The following TBL1XR1 variants were observed in gnomAD, a reference collection of about 807,000 sequenced individuals.
TBL1XR1 encodes the protein TBL1X/Y related 1.
A neutral mutation model predicts 66.9 loss-of-function variants in TBL1XR1; 5 were observed. That is an observed-to-expected ratio of 0.07 (90% CI 0.04 to 0.16). The LOEUF (loss-of-function observed/expected upper bound fraction) is 0.16, where lower values mean the gene tolerates loss of function less well. Among genes scored for constraint, TBL1XR1 ranks in the 10% least tolerant of loss-of-function variants. The pLI, the probability that TBL1XR1 is intolerant of heterozygous loss-of-function variation, is 1.00. For synonymous variants in TBL1XR1, 210 were observed against 206.0 expected (o/e 1.02, Z -0.17); for missense variants, 238 against 623.2 (o/e 0.38, Z 6.58).
intron 1 of TBL1XR1, among the ~76,000 whole-genome samples, chr3:177,182,901 T>C (rs1362205088): frequency 6.6e-6 from 1 of 152,208 alleles, no homozygotes; most frequent in Non-Finnish European, 1.5e-5. Context: ...ATAATGGTCA[T>C]TCTTCTAAGT....
At chr3:177,071,426 C>A (rs1286117068) in intron 2 of TBL1XR1, among the ~76,000 whole-genome samples, 4 of 152,000 alleles carry the variant, frequency 2.6e-5, no homozygotes, top group African/African-American at 9.7e-5. Context: ...TCCTTGGTTC[C>A]TCATGAGGGA....
intron 2 of TBL1XR1, among the ~76,000 whole-genome samples, chr3:177,083,328 C>T (rs745479881): frequency 6.6e-6 from 1 of 152,166 alleles, no homozygotes; most frequent in Non-Finnish European, 1.5e-5. Flanking sequence ...TTAGAAATGA[C>T]CTTAGTCTTT....
rs201066274 is a variant in TBL1XR1, at chr3:177,137,131, G to C, written c.-121-38590C>G. Among the ~76,000 whole-genome samples the C allele has an allele frequency of 4.5e-5, 6 of 132,202 alleles. No individual in the cohort carries two copies. In the East Asian group the frequency reaches 1.4e-3, roughly 31 times the overall value. 86.7% of individuals were successfully genotyped at this position (132,202 alleles called of 152,430 possible). On this transcript the variant is annotated intron_variant, in intron 1 of 15. Coordinates refer to ENST00000457928, the MANE Select transcript of TBL1XR1 (RefSeq NM_024665.7). ...CATACATTAAAATTAAAATGTTATG[G>C]GGGGGGAAAGATGACTGATTAATTC... is the stretch of plus-strand genomic sequence containing the variant.
intron 1 of TBL1XR1, among the ~76,000 whole-genome samples, chr3:177,147,835 G>C (rs952890928): frequency 1.3e-5 from 2 of 152,174 alleles, no homozygotes; most frequent in African/African-American, 2.4e-5. Context: ...AGGTCCTGTA[G>C]GGAGAAGCCA....
At chr3:177,190,133 C>CAAAAAAAAAAA (rs548783302) in intron 1 of TBL1XR1, among the ~76,000 whole-genome samples, 16 of 69,410 alleles carry the variant, frequency 2.3e-4, no homozygotes, top group African/African-American at 9.5e-4. Context: ...AACTCCATCT[C>CAAAAAAAAAAA]AAAAAAAAAA....
At chr3:177,135,436 T>C (rs1728884358) in intron 1 of TBL1XR1, among the ~76,000 whole-genome samples, 1 of 141,900 alleles carries the variant, frequency 7.0e-6, no homozygotes, top group Admixed American at 7.2e-5. Flanking sequence ...CAGGCTGGAG[T>C]ACAGTCGTGC....
intron 10 of TBL1XR1, among the ~76,000 whole-genome samples, chr3:177,043,212 C>T (rs1560108955): frequency 6.6e-6 from 1 of 152,092 alleles, no homozygotes; most frequent in African/African-American, 2.4e-5. Context: ...AGCCTTACTT[C>T]CCTCTTCCCA....
intron 3 of TBL1XR1, among the ~76,000 whole-genome samples, chr3:177,063,968 T>C (rs1472066709): frequency 6.6e-6 from 1 of 152,170 alleles, no homozygotes; most frequent in East Asian, 1.9e-4. Context: ...ATGTTTGTAT[T>C]CCTTGCATAG....
At chr3:177,084,584 G>A (rs900266635) in intron 2 of TBL1XR1, among the ~76,000 whole-genome samples, 1 of 152,248 alleles carries the variant, frequency 6.6e-6, no homozygotes, top group Non-Finnish European at 1.5e-5. Context: ...ACTGTTACCA[G>A]TTTGGGGGTC....
chr3:177,032,853 C>A, intron 14 of TBL1XR1, 118 bp downstream of exon 14: 1 of 827,938 alleles, frequency 1.2e-6, no homozygotes, highest in Non-Finnish European at 1.7e-6. Flanking sequence ...TATTTTAAAA[C>A]CAATAATTCA....
At chr3:177,129,691 A>G (rs947089183) in intron 1 of TBL1XR1, among the ~76,000 whole-genome samples, 20 of 152,204 alleles carry the variant, frequency 1.3e-4, no homozygotes, top group Non-Finnish European at 2.5e-4. Flanking sequence ...CATAATGAAA[A>G]GCATATCTTA....
intron 1 of TBL1XR1, among the ~76,000 whole-genome samples, chr3:177,129,720 C>T (rs1019412926): frequency 2.0e-5 from 3 of 152,062 alleles, no homozygotes; most frequent in Admixed American, 1.3e-4. Context: ...GTACAAGATA[C>T]CGTTCTTTAT....
chr3:177,173,410 G>A (rs12106892), intron 1 of TBL1XR1, among the ~76,000 whole-genome samples: 5,396 of 152,158 alleles, frequency 0.035, 336 homozygotes, highest in African/African-American at 0.12. Flanking sequence ...CCTTAACCAA[G>A]AGACAAGATT....
rs1461570738 is a variant in TBL1XR1, at chr3:177,026,360, TTACTA to T, written c.1518+8_1518+12del. On this transcript the variant is annotated splice_region_variant and intron_variant, in intron 15 of 15. Coordinates refer to ENST00000457928, the MANE Select transcript of TBL1XR1 (RefSeq NM_024665.7). Reference sequence around the variant, plus strand: ...CACCCACACCCTCTTTGGAAACACTTTACTATACTTACTGAACCATCTGATGCACT... The same window carrying T: ...CACCCACACCCTCTTTGGAAACACTTTACTTACTGAACCATCTGATGCACT... 1.2e-6 allele frequency: 2 copies of T among 1,607,902 alleles called. No homozygotes were observed. The highest frequency in any genetic ancestry group is 1.3e-5 in the African/African-American group (1 of 74,798).
intron 2 of TBL1XR1, among the ~76,000 whole-genome samples, chr3:177,087,218 T>C (rs1024593834): frequency 4.2e-5 from 5 of 119,530 alleles, no homozygotes; most frequent in Admixed American, 3.6e-4. Context: ...TTTTACTTAC[T>C]TTTTTATTTA....
chr3:177,177,926 TGGA>T (rs1357998896), intron 1 of TBL1XR1, among the ~76,000 whole-genome samples: 1 of 150,888 alleles, frequency 6.6e-6, no homozygotes, highest in Non-Finnish European at 1.5e-5. Context: ...AACTGCAACG[TGGA>T]GAATAAGGGT....
chr3:177,081,668 G>A (rs1721407001), intron 2 of TBL1XR1, among the ~76,000 whole-genome samples: 1 of 151,134 alleles, frequency 6.6e-6, no homozygotes, highest in Admixed American at 6.6e-5. Context: ...AAACCAGGAG[G>A]TCTCTGAGGC....
At chr3:177,077,923 CTT>C (rs1273374806) in intron 2 of TBL1XR1, among the ~76,000 whole-genome samples, 1 of 152,190 alleles carries the variant, frequency 6.6e-6, no homozygotes, top group Non-Finnish European at 1.5e-5. Flanking sequence ...ATGCTACTGG[CTT>C]TTGACATTAA....
chr3:177,117,112 G>GC (rs1726401710), intron 1 of TBL1XR1, among the ~76,000 whole-genome samples: 1 of 152,180 alleles, frequency 6.6e-6, no homozygotes, highest in Admixed American at 6.5e-5. Context: ...AAAAGAATTT[G>GC]CAGGAGTGGG....
Sources: gnomAD v4.1 joint callset for allele counts (sites outside exome capture counted in the v4.1 genomes callset) on GRCh38, gnomAD v4.1.1 for gene constraint, MANE v1.5 for transcripts, NCBI Gene and HGNC (gene_info 2026-07-23, HGNC 2026-07-21) for gene names.